Variants in CACNA2D3 observed in about 807,000 individuals in gnomAD.
CACNA2D3 encodes voltage-dependent calcium channel subunit alpha-2/delta-3.
CACNA2D3 carries 60 observed loss-of-function variants against 160.6 expected under a neutral mutation model. The observed-to-expected ratio is 0.37, with a 90% CI of 0.30 to 0.46. The LOEUF is 0.46. Ranked by LOEUF, CACNA2D3 falls within the 20% of genes least tolerant of loss-of-function variation. The probability of loss-of-function intolerance (pLI) is 1.00; values close to 1 mark genes in which losing one functional copy is unlikely to be tolerated. For missense variants in CACNA2D3, 1,205 were observed against 1,365.0 expected, an observed-to-expected ratio of 0.88 and a Z score of 1.85; for synonymous variants, 558 against 492.9, an observed-to-expected ratio of 1.13 and a Z score of -1.75.
intron 13 of CACNA2D3, among the ~76,000 whole-genome samples, chr3:54,782,635 G>A (rs552068275): frequency 6.6e-6 from 1 of 152,042 alleles, no homozygotes; most frequent in East Asian, 1.9e-4. Context: ...TGCGGTCAAG[G>A]CCCCTGCTGT....
rs976866933 is a variant in CACNA2D3 at position 54,229,719 on chromosome 3, G to A, written c.205-90723G>A. Among the ~76,000 whole-genome samples, 79 of 152,158 alleles carry A rather than the reference G, an allele frequency of 5.2e-4. 1 individual carries two copies. The highest frequency in any genetic ancestry group is 1.6e-3 in the African/African-American group (68 of 41,522). ...TCTTCTCTTACTCTGTTTTGCTTGCGTGACAATTCCCCAGTTATAAAAATG... is the reference window on the plus strand; with the variant it reads ...TCTTCTCTTACTCTGTTTTGCTTGCATGACAATTCCCCAGTTATAAAAATG... On this transcript the variant is annotated intron_variant, in intron 2 of 37. Coordinates refer to ENST00000474759, the MANE Select transcript of CACNA2D3 (RefSeq NM_018398.3).
chr3:55,069,194 T>G (rs566428933), intron 35 of CACNA2D3, among the ~76,000 whole-genome samples: 9 of 152,288 alleles, frequency 5.9e-5, no homozygotes, highest in African/African-American at 2.2e-4. Context: ...CTTCCCTTTT[T>G]TATAAAACCC....
chr3:54,133,608 G>A (rs1277161312), intron 2 of CACNA2D3, among the ~76,000 whole-genome samples: 2 of 152,144 alleles, frequency 1.3e-5, no homozygotes, highest in South Asian at 2.1e-4. Context: ...GAACATAAAG[G>A]GGTAAGAGCT....
At chr3:54,236,642 G>A (rs1241870246) in intron 2 of CACNA2D3, among the ~76,000 whole-genome samples, 1 of 152,188 alleles carries the variant, frequency 6.6e-6, no homozygotes, top group African/African-American at 2.4e-5. Flanking sequence ...TGTCAAAGAT[G>A]TAGAAAATTC....
At chr3:55,041,604 T>G (rs1399042472) in intron 35 of CACNA2D3, among the ~76,000 whole-genome samples, 1 of 152,128 alleles carries the variant, frequency 6.6e-6, no homozygotes, top group Non-Finnish European at 1.5e-5. Flanking sequence ...TTTTATTTGC[T>G]TTTTTCAAAA....
chr3:55,050,429 G>T (rs918376411), intron 35 of CACNA2D3, among the ~76,000 whole-genome samples: 3 of 151,102 alleles, frequency 2.0e-5, no homozygotes, highest in African/African-American at 7.3e-5. Context: ...TTGAATATTG[G>T]CCCCCACTCT....
At chr3:54,711,017 T>C (rs1488361365) in intron 11 of CACNA2D3, among the ~76,000 whole-genome samples, 2 of 152,136 alleles carry the variant, frequency 1.3e-5, no homozygotes, top group East Asian at 1.9e-4. Flanking sequence ...TAGAAGGTAA[T>C]TGAACTTTTG....
At chr3:54,632,906 G>A (rs1699274743) in intron 10 of CACNA2D3, 1 of 152,184 alleles carries the variant, frequency 6.6e-6, no homozygotes, top group South Asian at 2.1e-4. Context: ...AATAGTGGTC[G>A]CGTGGAAAGC....
intron 2 of CACNA2D3, among the ~76,000 whole-genome samples, chr3:54,253,863 G>A (rs1351488521): frequency 6.6e-6 from 1 of 151,986 alleles, no homozygotes; most frequent in Non-Finnish European, 1.5e-5. Context: ...TGCCACCCAC[G>A]TTCAAGCAAT....
At chr3:54,207,256 A>G (rs1701291777) in intron 2 of CACNA2D3, among the ~76,000 whole-genome samples, 1 of 146,688 alleles carries the variant, frequency 6.8e-6, no homozygotes. Flanking sequence ...GTACAGTCTC[A>G]CTAATGCTGG....
chr3:54,778,824 T>G (rs961998836), intron 13 of CACNA2D3, among the ~76,000 whole-genome samples: 5 of 152,300 alleles, frequency 3.3e-5, no homozygotes, highest in African/African-American at 1.2e-4. Context: ...AACATTTCAC[T>G]CAGCATGTAG....
At chr3:54,583,258 C>T (rs2106742201) in intron 9 of CACNA2D3, among the ~76,000 whole-genome samples, 3 of 152,126 alleles carry the variant, frequency 2.0e-5, no homozygotes, top group South Asian at 4.2e-4. Flanking sequence ...GATTGCTTCC[C>T]AGAGGAACAA....
chr3:54,973,372 A>G (rs775035707), intron 29 of CACNA2D3, among the ~76,000 whole-genome samples: 5 of 152,188 alleles, frequency 3.3e-5, no homozygotes, highest in Non-Finnish European at 5.9e-5. Flanking sequence ...TGAGAGTACC[A>G]GGAGTTAGCA....
chr3:54,556,978 CTG>C (rs1484701073), intron 5 of CACNA2D3, among the ~76,000 whole-genome samples: 3 of 151,264 alleles, frequency 2.0e-5, no homozygotes, highest in African/African-American at 4.9e-5. Context: ...TCATATTTAA[CTG>C]TTTTTTTTTA....
At chr3:54,133,073 A>G (rs1173525041) in intron 2 of CACNA2D3, among the ~76,000 whole-genome samples, 1 of 152,128 alleles carries the variant, frequency 6.6e-6, no homozygotes, top group African/African-American at 2.4e-5. Context: ...TGTCCACTTG[A>G]GGGGTTGTTA....
At chr3:54,978,421 A>G (rs1702436557) in intron 29 of CACNA2D3, among the ~76,000 whole-genome samples, 1 of 152,220 alleles carries the variant, frequency 6.6e-6, no homozygotes, top group African/African-American at 2.4e-5. Context: ...TCTTGCATTC[A>G]GGGTAGATAG....
chr3:54,386,699 T>G lies in CACNA2D3; in HGVS notation c.322-16T>G, dbSNP rs763377896. The stretch of plus-strand genomic sequence containing the variant: ...GATCCTTAATGCTGTCTTCTGTTTT[T>G]TTTTTTTTTTTTTAGCGTCTGGTGG... On this transcript the variant is annotated splice_polypyrimidine_tract_variant and intron_variant, in intron 3 of 37. Coordinates refer to ENST00000474759, the MANE Select transcript of CACNA2D3 (RefSeq NM_018398.3). The G allele has an allele frequency of 2.8e-5, 41 of 1,486,366 alleles. No individual in the cohort carries two copies. In the South Asian group the frequency reaches 3.1e-4, roughly 11 times the overall value. 92.1% of individuals were successfully genotyped at this position (1,486,366 alleles called of 1,614,324 possible).
At chr3:54,890,725 G>A (rs1157779386) in intron 24 of CACNA2D3, among the ~76,000 whole-genome samples, 2 of 152,146 alleles carry the variant, frequency 1.3e-5, no homozygotes, top group African/African-American at 4.8e-5. Context: ...GCCTCCTACA[G>A]AGCTATTGGA....
chr3:54,326,752 G>A (rs1173094684), intron 3 of CACNA2D3, among the ~76,000 whole-genome samples: 1 of 152,146 alleles, frequency 6.6e-6, no homozygotes, highest in East Asian at 1.9e-4. Flanking sequence ...AGGTATATAT[G>A]GCTGTATAGA....
Sources: allele counts gnomAD v4.1 joint callset (sites outside exome capture counted in the v4.1 genomes callset), GRCh38; gene constraint gnomAD v4.1.1; transcripts MANE v1.5; gene names NCBI Gene and HGNC (gene_info 2026-07-23, HGNC 2026-07-21).